Variants in GAP43 observed in about 807,000 individuals in gnomAD.
The protein encoded by GAP43 is growth associated protein 43.
A neutral mutation model predicts 18.6 loss-of-function variants in GAP43; 6 were observed. The ratio of observed to expected loss-of-function variants is 0.32; its 90% confidence interval spans 0.18 to 0.64. GAP43 has a LOEUF of 0.64. GAP43 is among the 30% of genes least tolerant of loss of function. The probability of loss-of-function intolerance (pLI) is 0.78; values close to 1 mark genes in which losing one functional copy is unlikely to be tolerated. For synonymous variants in GAP43, 115 were observed against 111.4 expected (o/e 1.03, Z -0.20); for missense variants, 292 against 295.5 (o/e 0.99, Z 0.09).
At chr3:115,676,658 T>A in intron 2 of GAP43, 48 bp downstream of exon 2, 1 of 1,489,136 alleles carries the variant, frequency 6.7e-7, no homozygotes, top group Non-Finnish European at 8.9e-7. Context: ...GGGAAGGGAG[T>A]TGCTATTCGG....
At chr3:115,697,982 T>TGCGC (rs141460121) in intron 2 of GAP43, among the ~76,000 whole-genome samples, 11 of 101,006 alleles carry the variant, frequency 1.1e-4, no homozygotes, top group Non-Finnish European at 1.4e-4. Context: ...AGAGTACATG[T>TGCGC]GCGTGTGTGT....
intron 1 of GAP43, chr3:115,661,130 A>G (rs898988851): frequency 6.6e-6 from 1 of 151,556 alleles, no homozygotes; most frequent in Non-Finnish European, 1.5e-5. Flanking sequence ...TTGTTAAAAA[A>G]AAAACTGTTT....
chr3:115,656,036 T>C (rs137862993), intron 1 of GAP43, among the ~76,000 whole-genome samples: 18 of 152,336 alleles, frequency 1.2e-4, no homozygotes, highest in Non-Finnish European at 2.5e-4. Context: ...AGCCTTCTCA[T>C]ACTCTGTGCC....
intron 2 of GAP43, among the ~76,000 whole-genome samples, chr3:115,699,548 C>T (rs1370355346): frequency 1.3e-5 from 2 of 152,190 alleles, no homozygotes; most frequent in African/African-American, 4.8e-5. Context: ...CTTCCCTCCT[C>T]CTCTTTCCTC....
intron 1 of GAP43, among the ~76,000 whole-genome samples, chr3:115,673,285 T>C (rs1393282387): frequency 6.6e-6 from 1 of 152,140 alleles, no homozygotes; most frequent in African/African-American, 2.4e-5. Flanking sequence ...TCTTTATCCT[T>C]GTAGTTTCTT....
At chr3:115,672,368 G>A (rs1025716741) in intron 1 of GAP43, among the ~76,000 whole-genome samples, 28 of 152,092 alleles carry the variant, frequency 1.8e-4, no homozygotes, top group South Asian at 6.2e-4. Context: ...GGGTCAAAGC[G>A]TTCTCAGAAC....
At chr3:115,672,206 G>C (rs1196589437) in intron 1 of GAP43, among the ~76,000 whole-genome samples, 1 of 152,170 alleles carries the variant, frequency 6.6e-6, no homozygotes, top group Non-Finnish European at 1.5e-5. Context: ...CTCACTCGCT[G>C]TATGAATTTA....
intron 1 of GAP43, among the ~76,000 whole-genome samples, chr3:115,670,028 G>T (rs1442169410): frequency 7.5e-6 from 1 of 132,752 alleles, no homozygotes; most frequent in Non-Finnish European, 1.6e-5. Flanking sequence ...TAAGTTTTAG[G>T]GTACATGTGC....
chr3:115,683,596 C>T (rs556272348), intron 2 of GAP43, among the ~76,000 whole-genome samples: 4 of 49,324 alleles, frequency 8.1e-5, no homozygotes, highest in African/African-American at 1.8e-4. Context: ...CCATAATTTG[C>T]TATCAATATT....
intron 2 of GAP43, among the ~76,000 whole-genome samples, chr3:115,688,546 A>T (rs1709063569): frequency 6.6e-6 from 1 of 152,198 alleles, no homozygotes; most frequent in Non-Finnish European, 1.5e-5. Context: ...AATTCTAAAA[A>T]ATCTGTCGCC....
chr3:115,670,369 G>T (rs1708801522), intron 1 of GAP43, among the ~76,000 whole-genome samples: 1 of 151,360 alleles, frequency 6.6e-6, no homozygotes, highest in Admixed American at 6.6e-5. Context: ...GTGTATATGT[G>T]CCACATTTTC....
At chr3:115,709,996 T>G (rs1709413568) in intron 2 of GAP43, among the ~76,000 whole-genome samples, 1 of 152,156 alleles carries the variant, frequency 6.6e-6, no homozygotes, top group African/African-American at 2.4e-5. Context: ...TTCAAGGAGC[T>G]TAATAATAGT....
chr3:115,632,430 C>A (rs1708271614), intron 1 of GAP43, among the ~76,000 whole-genome samples: 1 of 152,120 alleles, frequency 6.6e-6, no homozygotes, highest in Admixed American at 6.6e-5. Context: ...TAATCCTAAA[C>A]CTTTCCAAAC....
chr3:115,691,452 C>A lies in GAP43; in HGVS notation c.628+14842C>A, dbSNP rs541537758. Among the ~76,000 whole-genome samples the A allele has an allele frequency of 2.0e-5, 3 of 152,272 alleles. No individual in the cohort carries two copies. In the South Asian group the frequency reaches 6.2e-4, roughly 32 times the overall value. The stretch of plus-strand genomic sequence containing the variant: ...ATTGTGAAATAAAATATCCTCATTG[C>A]TGAACTTGGTGGTTGTCGGTATTAA... On this transcript the variant is annotated intron_variant, in intron 2 of 2. Coordinates refer to ENST00000305124, the MANE Select transcript of GAP43 (RefSeq NM_002045.4).
At chr3:115,660,951 G>C (rs1034659351) in intron 1 of GAP43, among the ~76,000 whole-genome samples, 1 of 152,126 alleles carries the variant, frequency 6.6e-6, no homozygotes, top group African/African-American at 2.4e-5. Context: ...AGCTAATCTC[G>C]ATAGCTTTCA....
chr3:115,697,988 T>C (rs1212305403), intron 2 of GAP43, among the ~76,000 whole-genome samples: 24 of 122,118 alleles, frequency 2.0e-4, no homozygotes, highest in Non-Finnish European at 2.8e-4. Flanking sequence ...CATGTGCGTG[T>C]GTGTGTGTGT....
intron 2 of GAP43, among the ~76,000 whole-genome samples, chr3:115,713,335 A>G (rs922959896): frequency 1.3e-5 from 2 of 152,204 alleles, no homozygotes; most frequent in African/African-American, 4.8e-5. Context: ...TATTTAATCA[A>G]TGTTGACAAG....
intron 1 of GAP43, among the ~76,000 whole-genome samples, chr3:115,649,728 C>T (rs1318465235): frequency 1.3e-5 from 2 of 150,512 alleles, no homozygotes; most frequent in Non-Finnish European, 2.9e-5. Context: ...TTAATCCCAG[C>T]TACTCAGTAG....
chr3:115,683,290 A>G (rs1708987917), intron 2 of GAP43, among the ~76,000 whole-genome samples: 2 of 151,816 alleles, frequency 1.3e-5, no homozygotes, highest in South Asian at 2.1e-4. Flanking sequence ...TATTTTCTTA[A>G]CTATTAGATA....
Sources: allele counts gnomAD v4.1 joint callset (sites outside exome capture counted in the v4.1 genomes callset), GRCh38; gene constraint gnomAD v4.1.1; transcripts MANE v1.5; gene names NCBI Gene and HGNC (gene_info 2026-07-23, HGNC 2026-07-21).